Variants in FANCD2 observed in about 807,000 individuals in gnomAD.
FANCD2 encodes the protein FA complementation group D2.
Under a neutral mutation model 192.3 loss-of-function variants are expected in FANCD2, and 131 were observed. That is an observed-to-expected ratio of 0.68 (90% CI 0.59 to 0.79). FANCD2 has a LOEUF of 0.79. Ranked by LOEUF, FANCD2 falls within the 30% of genes least tolerant of loss-of-function variation. The pLI is 0.00. For missense variants in FANCD2, 1,508 were observed against 1,701.6 expected, an observed-to-expected ratio of 0.89 and a Z score of 2.00; for synonymous variants, 524 against 612.5, an observed-to-expected ratio of 0.86 and a Z score of 2.13.
At chr3:10,051,330 G>A (rs13075146) in intron 17 of FANCD2, among the ~76,000 whole-genome samples, 43,374 of 139,408 alleles carry the variant, frequency 0.31, 8,254 homozygotes, top group Middle Eastern at 0.48. Flanking sequence ...GCAGTGAGCC[G>A]AGATCCCGCC....
rs1330523585 is a variant in FANCD2 at position 10,081,526 on chromosome 3, A to G, written c.3224+62A>G. The G allele has an allele frequency of 8.2e-6, 9 of 1,096,576 alleles. No individual in the cohort carries two copies. The African/African-American group carries it at 1.1e-4, about 13-fold the overall frequency. The allele number at this position is 1,096,576 out of a possible 1,614,324, so 67.9% of individuals were successfully genotyped here. On this transcript the variant is annotated intron_variant, in intron 32 of 43. Transcript: ENST00000675286. ...TACTTGCTTTTATTTGACAGTCACC[A>G]AGGCACTGAAATGTAGAAAAGAAAG...
Position 10,034,611 on chromosome 3 carries a change from A to G in FANCD2, c.273+75A>G, listed in dbSNP as rs564528633. The stretch of plus-strand genomic sequence containing the variant: ...ATTTGGAATTTAAGGACACTGGTAT[A>G]AAGTTGAGTGGGCTAGAATGATTTT... On this transcript the variant is annotated intron_variant, in intron 4 of 43. Coordinates refer to ENST00000675286, the MANE Select transcript of FANCD2 (RefSeq NM_001018115.3). 9.4e-6 allele frequency: 14 copies of G among 1,493,752 alleles called. No individual in the cohort carries two copies. In the South Asian group the frequency reaches 1.6e-4, roughly 17 times the overall value. The allele number at this position is 1,493,752 out of a possible 1,614,324, so 92.5% of individuals were successfully genotyped here.
chr3:10,053,850 G>A (rs568572501), intron 18 of FANCD2, among the ~76,000 whole-genome samples: 2 of 152,202 alleles, frequency 1.3e-5, no homozygotes, highest in African/African-American at 4.8e-5. Flanking sequence ...AGTGCAGTGG[G>A]GACACAGAAT....
At chr3:10,038,353 G>T (rs1157801985) in intron 7 of FANCD2, among the ~76,000 whole-genome samples, 1 of 152,066 alleles carries the variant, frequency 6.6e-6, no homozygotes, top group Non-Finnish European at 1.5e-5. Context: ...TTACATCCTG[G>T]CTAGTCTTTT....
chr3:10,081,136 C>G lies in FANCD2; in HGVS notation c.3013C>G (p.Gln1005Glu). The change falls in exon 31 of 44, where the codon CAA becomes GAA. Residue 1005 changes from glutamine to glutamate, a missense_variant. Physicochemically the swap from Gln to Glu is conservative, Grantham distance 29 (BLOSUM62 2). Around this residue, in one of 5 missense-constraint regions of FANCD2, gnomAD observed 796 missense variants for 879.4 expected, o/e 0.91. Transcript: ENST00000675286. ...GSRNIGFSHL[Q>E]QRSAQEIVHC... is the part of the protein sequence containing the mutation. ...CCGGAATATTGGATTCTCACATCTC[C>G]AACAGAGATCTGCCCAAGAAATTGT... The G allele has an allele frequency of 1.2e-6, 2 of 1,614,074 alleles. No individual in the cohort carries two copies. The highest frequency in any genetic ancestry group is 2.2e-5 in the South Asian group (2 of 91,080).
intron 34 of FANCD2, among the ~76,000 whole-genome samples, chr3:10,087,706 G>A (rs1423115669): frequency 6.6e-6 from 1 of 151,870 alleles, no homozygotes; most frequent in Non-Finnish European, 1.5e-5. Flanking sequence ...GGAGTGCAGT[G>A]GTGCGATGTT....
intron 9 of FANCD2, 151 bp from the exon 10 acceptor site, chr3:10,041,472 A>G (rs920852709): frequency 1.3e-5 from 8 of 611,990 alleles, no homozygotes; most frequent in African/African-American, 9.3e-5. Context: ...AGTCAAAACA[A>G]TTTTTAAAGA....
rs1307851270 is a variant in FANCD2 at position 10,065,388 on chromosome 3, T to C, written c.2169-6T>C. 1 of 1,600,694 alleles carries C rather than the reference T, an allele frequency of 6.2e-7. No homozygotes were observed. Among genetic ancestry groups the C allele is most frequent in the South Asian group, 1.1e-5 (1 of 90,804 alleles). Reference sequence around the variant, plus strand: ...TGTGGTCTAGAAATTTATTTCTCCTTCTCAGATTGGTGTCTCCGCTGTGCC... The same window carrying C: ...TGTGGTCTAGAAATTTATTTCTCCTCCTCAGATTGGTGTCTCCGCTGTGCC... On this transcript the variant is annotated splice_polypyrimidine_tract_variant and splice_region_variant and intron_variant, in intron 23 of 43. Transcript: ENST00000675286.
At chr3:10,042,352 T>C (rs560384282) in intron 10 of FANCD2, among the ~76,000 whole-genome samples, 1 of 152,334 alleles carries the variant, frequency 6.6e-6, no homozygotes, top group East Asian at 1.9e-4. Flanking sequence ...TTCACATTTA[T>C]TGCCCGTCTA....
intron 41 of FANCD2, among the ~76,000 whole-genome samples, chr3:10,095,993 T>C (rs142313698): frequency 1.1e-4 from 16 of 152,262 alleles, no homozygotes; most frequent in African/African-American, 3.9e-4. Flanking sequence ...AGTGAATGTT[T>C]AAGGAATTCT....
intron 17 of FANCD2, among the ~76,000 whole-genome samples, chr3:10,050,448 C>A (rs553398374): frequency 6.6e-6 from 1 of 151,418 alleles, no homozygotes; most frequent in South Asian, 2.1e-4. Context: ...CACGGTGAAA[C>A]CCCGTCTCTA....
In FANCD2 at chr3:10,101,352, A is replaced by G. The variant is rs181279000; in HGVS notation, c.*90A>G. On this transcript the variant is annotated 3_prime_UTR_variant, in exon 44 of 44. Coordinates refer to ENST00000675286, the MANE Select transcript of FANCD2 (RefSeq NM_001018115.3). ...TTGAAATCCGCTGTTTGCCTTTCTT[A>G]CTGGTAGGATCCTTTTTTGTTCCTC... is the stretch of plus-strand genomic sequence containing the variant. 2 of 788,056 alleles carry G rather than the reference A, an allele frequency of 2.5e-6. No individual in the cohort carries two copies. The highest frequency in any genetic ancestry group is 2.8e-5 in the East Asian group (1 of 35,538). 48.8% of individuals were successfully genotyped at this position (788,056 alleles called of 1,614,324 possible).
intron 43 of FANCD2, among the ~76,000 whole-genome samples, chr3:10,100,364 G>C (rs891565947): frequency 6.6e-6 from 1 of 152,142 alleles, no homozygotes; most frequent in Non-Finnish European, 1.5e-5. Flanking sequence ...TTCCTGTTGA[G>C]ATACACCAGC....
At position 10,036,354 on chromosome 3, in the gene FANCD2, T is replaced by C; in HGVS notation, c.491+15T>C. The C allele has an allele frequency of 6.3e-7, 1 of 1,597,902 alleles. No homozygotes were observed. Among genetic ancestry groups the C allele is most frequent in the Non-Finnish European group, 8.6e-7 (1 of 1,165,486 alleles). ...TTTTTTGAAAAGTAAGTGGCGTTAT[T>C]ATGGAATGTTCAAAGTACCCTGATG... is the stretch of plus-strand genomic sequence containing the variant. On this transcript the variant is annotated intron_variant, in intron 7 of 43. Coordinates refer to ENST00000675286, the MANE Select transcript of FANCD2 (RefSeq NM_001018115.3).
chr3:10,074,377 A>G (rs1394367691), intron 28 of FANCD2, among the ~76,000 whole-genome samples, 153 bp from the exon 29 acceptor site: 3 of 152,184 alleles, frequency 2.0e-5, no homozygotes, highest in Non-Finnish European at 4.4e-5. Flanking sequence ...TCTTGGGAAT[A>G]TTTAGGGACT....
Position 10,034,757 on chromosome 3 carries a change from C to A in FANCD2, c.336C>A (p.Asn112Lys), listed in dbSNP as rs2124975276. The A allele has an allele frequency of 6.4e-7, 1 of 1,568,510 alleles. No homozygotes were observed. Among genetic ancestry groups the A allele is most frequent in the Admixed American group, 1.9e-5 (1 of 52,594 alleles). ...TTGAGGATGAAGACAGTTTCAGGAA[C>A]TGCCTTTTGTCTTGTGAGCGTCTGC... ...SYIEDEDSFR[N>K]CLLSCERLQD... Residue 112 changes from asparagine to lysine, a missense_variant, in exon 5 of 44, where the codon AAC (asparagine) becomes AAA (lysine). Coordinates refer to ENST00000675286, the MANE Select transcript of FANCD2 (RefSeq NM_001018115.3).
In FANCD2 at chr3:10,101,530, C is replaced by T. The variant is rs890366905; in HGVS notation, c.*268C>T. The T allele has an allele frequency of 3.8e-5, 17 of 447,602 alleles. No homozygotes were observed. In the Admixed American group the frequency reaches 4.3e-4, roughly 11 times the overall value. 27.7% of individuals were successfully genotyped at this position (447,602 alleles called of 1,614,324 possible). A position where few individuals can be genotyped will look rare whatever the true frequency, so the allele number is the denominator to read the frequency against. ...CCTCCTGAGTAGCTGGGACGACAGG[C>T]ACATGCCACCATGCCCAGCTAATTT... On this transcript the variant is annotated 3_prime_UTR_variant, in exon 44 of 44. Transcript: ENST00000675286.
rs1232274352 is a variant in FANCD2, at chr3:10,074,558, CATT to C, written c.2745_2747del (p.Leu918del). The C allele has an allele frequency of 6.2e-7, 1 of 1,613,582 alleles. No homozygotes were observed. Among genetic ancestry groups the C allele is most frequent in the East Asian group, 2.2e-5 (1 of 44,844 alleles). ...TTCACAGGGAAGGAAGAAAAGACAT[CATT>C]GTTACTACATAATTCCCATGCTTTT... On this transcript the variant is annotated inframe_deletion, in exon 29 of 44. Transcript: ENST00000675286.
At chr3:10,069,399 G>C (rs2087807704) in intron 26 of FANCD2, among the ~76,000 whole-genome samples, 1 of 151,796 alleles carries the variant, frequency 6.6e-6, no homozygotes, top group African/African-American at 2.4e-5. Context: ...CAACATCACT[G>C]AGCCTCAGAG....
Sources: gnomAD v4.1 joint callset for allele counts (sites outside exome capture counted in the v4.1 genomes callset) on GRCh38, gnomAD v4.1.1 for gene constraint, gnomAD v4.1.1 regional missense constraint, MANE v1.5 for transcripts, NCBI Gene and HGNC (gene_info 2026-07-23, HGNC 2026-07-21) for gene names.